Variants in PLXND1 observed in about 807,000 individuals in gnomAD.
The protein encoded by PLXND1 is plexin-D1.
PLXND1 carries 54 observed loss-of-function variants against 197.7 expected under a neutral mutation model. That is an observed-to-expected ratio of 0.27 (90% CI 0.22 to 0.34). PLXND1 has a LOEUF of 0.34. PLXND1 is among the 10% of genes least tolerant of loss of function. The pLI, the probability that PLXND1 is intolerant of heterozygous loss-of-function variation, is 1.00. For missense variants in PLXND1, 2,127 were observed against 2,699.2 expected (o/e 0.79, Z 4.70); for synonymous variants, 1,180 against 1,161.2 (o/e 1.02, Z -0.33).
intron 2 of PLXND1, among the ~76,000 whole-genome samples, chr3:129,588,272 G>C (rs1304553769): frequency 6.6e-6 from 1 of 152,160 alleles, no homozygotes; most frequent in Non-Finnish European, 1.5e-5. Context: ...TGCCTCCCTT[G>C]CAGGGGTGTG....
At position 129,575,586 on chromosome 3, in the gene PLXND1, T is replaced by C. The variant is rs374590713; in HGVS notation, c.2437-24A>G. On this transcript the variant is annotated intron_variant, in intron 10 of 35. Coordinates refer to ENST00000324093, the MANE Select transcript of PLXND1 (RefSeq NM_015103.3). ...AGCTGCAAAAGGGCAGAAAAGAGCA[T>C]AGGGGGCATGGGCAATGCCTGGGGC... 4.2e-4 allele frequency: 639 copies of C among 1,519,690 alleles called. 12 individuals are homozygous for C. In the South Asian group the frequency reaches 6.8e-3, roughly 16 times the overall value. The allele number at this position is 1,519,690 out of a possible 1,614,324, so 94.1% of individuals were successfully genotyped here.
At chr3:129,573,092 T>C in intron 13 of PLXND1, 151 bp from the exon 14 acceptor site, 1 of 623,022 alleles carries the variant, frequency 1.6e-6, no homozygotes, top group Non-Finnish European at 2.9e-6. Context: ...GTTCTGCAAC[T>C]ATAAGACACG....
At chr3:129,559,262 A>T in intron 32 of PLXND1, 1 of 201,606 alleles carries the variant, frequency 5.0e-6, no homozygotes, top group Non-Finnish European at 9.9e-6. Context: ...CTACTGTCCC[A>T]GGCTGTGTGG....
chr3:129,572,987 G>C, intron 13 of PLXND1, 46 bp from the exon 14 acceptor site: 1 of 1,401,520 alleles, frequency 7.1e-7, no homozygotes, highest in Non-Finnish European at 1.0e-6. Flanking sequence ...GGCCCCCACG[G>C]CCACCCTAGA....
rs1463885620 is a variant in PLXND1, at chr3:129,556,406, T to C, written c.5684A>G (p.Asn1895Ser). 3 of 1,614,072 alleles carry C rather than the reference T, an allele frequency of 1.9e-6. No homozygotes were observed. Among genetic ancestry groups the C allele is most frequent in the African/African-American group, 1.3e-5 (1 of 75,050 alleles). ...CAGTTGTGTCCTCCGGGCCGTGGGGTTGGCCTCCAGCGCGGCCATGATCTG... is the reference window on the plus strand; with the variant it reads ...CAGTTGTGTCCTCCGGGCCGTGGGGCTGGCCTCCAGCGCGGCCATGATCTG... ...RPQIMAALEA[N>S]PTARRTQLQH... Residue 1895 changes from asparagine (N) to serine (S), a missense_variant, in exon 36 of 36, where the codon AAC becomes AGC. Asn to Ser is a conservative substitution (Grantham distance 46). Coordinates refer to ENST00000324093, the MANE Select transcript of PLXND1 (RefSeq NM_015103.3).
At chr3:129,559,961 TA>T (rs1435426122) in intron 31 of PLXND1, among the ~76,000 whole-genome samples, 178 bp from the exon 32 acceptor site, 140 of 152,288 alleles carry the variant, frequency 9.2e-4, no homozygotes, top group Non-Finnish European at 5.9e-4. Context: ...TTGAAAGGAC[TA>T]ATCGAGGCAC....
chr3:129,598,121 C>A (rs1189161784), intron 1 of PLXND1, among the ~76,000 whole-genome samples: 2 of 152,214 alleles, frequency 1.3e-5, no homozygotes, highest in Non-Finnish European at 2.9e-5. Flanking sequence ...CTTTAGCCTG[C>A]AGGCAAGGCC....
intron 2 of PLXND1, among the ~76,000 whole-genome samples, chr3:129,586,948 T>A (rs1271886066): frequency 6.6e-6 from 1 of 152,190 alleles, no homozygotes; most frequent in Non-Finnish European, 1.5e-5. Context: ...CTCCAAGGCA[T>A]CCCGCCCTGT....
rs375475115 is a variant in PLXND1, at chr3:129,573,655, C to T, written c.2776G>A (p.Gly926Ser). 90 of 1,613,618 alleles carry T rather than the reference C, an allele frequency of 5.6e-5. 1 individual carries two copies. The highest frequency in any genetic ancestry group is 3.4e-4 in the South Asian group (31 of 91,076). Reference protein sequence around the residue: ...LGRRLSDVAHGVWIGGVACEP... With the variant: ...LGRRLSDVAHSVWIGGVACEP... ...CAGGCCACACCACCAATCCACACGC[C>T]GTGGGCCACGTCACTGAGCCGCCGG... is the stretch of plus-strand genomic sequence containing the variant. The change falls in exon 13 of 36, where the codon GGC (glycine) becomes AGC (serine). Residue 926 changes from glycine (G) to serine (S), a missense_variant. Gly to Ser is a moderately conservative substitution (Grantham distance 56). Transcript: ENST00000324093.
rs750310939 is a variant in PLXND1 at position 129,589,419 on chromosome 3, C to T, written c.1420G>A (p.Val474Met). The change falls in exon 2 of 36, where the codon GTG (valine) becomes ATG (methionine). Residue 474 changes from valine to methionine, a missense_variant. Val to Met is a conservative substitution (Grantham distance 21). This residue lies in a region of PLXND1 where 1,095 missense variants were observed against 1,259.8 expected (regional missense o/e 0.87). Transcript: ENST00000324093. ...PVFRAPGLTS[V>M]AVASVNNYTA... Reference sequence around the variant, plus strand: ...TAGTTGTTGACGCTGGCCACGGCCACGGAGGTGAGGCCCGGGGCGCGGAAC... The same window carrying T: ...TAGTTGTTGACGCTGGCCACGGCCATGGAGGTGAGGCCCGGGGCGCGGAAC... 9.3e-6 allele frequency: 15 copies of T among 1,611,696 alleles called. No homozygotes were observed. In the East Asian group the frequency reaches 1.1e-4, roughly 12 times the overall value.
chr3:129,578,417 G>A lies in PLXND1; in HGVS notation c.2258C>T (p.Pro753Leu), dbSNP rs1459599041. 1.3e-6 allele frequency: 2 copies of A among 1,596,648 alleles called. No homozygotes were observed. Among genetic ancestry groups the A allele is most frequent in the South Asian group, 1.1e-5 (1 of 87,702 alleles). The change falls in exon 9 of 36, where the codon CCC becomes CTC. Residue 753 changes from proline to leucine, a missense_variant. Coordinates refer to ENST00000324093, the MANE Select transcript of PLXND1 (RefSeq NM_015103.3). ...SPNPTSPQDC[P>L]RTLLSPLAPV... ...TGCCAGGGGTGAGAGCAGGGTCCGG[G>A]GGCAGTCCTGAGGGCTCTGCAGAGG...
chr3:129,567,353 C>A, intron 22 of PLXND1, 139 bp downstream of exon 22: 1 of 628,410 alleles, frequency 1.6e-6, no homozygotes, highest in Non-Finnish European at 2.9e-6. Context: ...CAGGCCAGGG[C>A]AAGTGGCCAG....
At chr3:129,601,976 A>C (rs2085714900) in intron 1 of PLXND1, among the ~76,000 whole-genome samples, 1 of 152,184 alleles carries the variant, frequency 6.6e-6, no homozygotes, top group South Asian at 2.1e-4. Context: ...GAAGGAATCT[A>C]TTCCCGGGAG....
rs1174889837 is a variant in PLXND1, at chr3:129,577,758, T to C, written c.2346+571A>G. Among the ~76,000 whole-genome samples, 2 of 152,156 alleles carry C rather than the reference T, an allele frequency of 1.3e-5. No homozygotes were observed. The highest frequency in any genetic ancestry group is 2.9e-5 in the Non-Finnish European group (2 of 68,002). ...GCCCAGATGGTGGGGGCGGGGCTAGTTGCAAAGACGAGCACTGGTTGGGGA... is the reference window on the plus strand; with the variant it reads ...GCCCAGATGGTGGGGGCGGGGCTAGCTGCAAAGACGAGCACTGGTTGGGGA... On this transcript the variant is annotated intron_variant, in intron 9 of 35. Transcript: ENST00000324093. The surrounding 1 kb of genome is among the most constrained non-coding windows in gnomAD (Gnocchi z 5.0).
chr3:129,586,545 C>A, intron 3 of PLXND1, 43 bp downstream of exon 3: 1 of 1,553,988 alleles, frequency 6.4e-7, no homozygotes. Flanking sequence ...CAAGAGGGCT[C>A]GGCTGGTGCT....
intron 1 of PLXND1, among the ~76,000 whole-genome samples, chr3:129,599,016 G>A (rs746456402): frequency 6.6e-6 from 1 of 152,184 alleles, no homozygotes; most frequent in Non-Finnish European, 1.5e-5. Flanking sequence ...GGCAGTTCTG[G>A]TGTCAGAGGG....
intron 5 of PLXND1, among the ~76,000 whole-genome samples, chr3:129,585,397 C>T (rs746305949): frequency 3.3e-5 from 5 of 152,220 alleles, no homozygotes; most frequent in Admixed American, 6.5e-5. Context: ...AATCCCCCAC[C>T]GCCAAGGCTG....
rs145949325 is a variant in PLXND1 at position 129,567,797 on chromosome 3, C to T, written c.3874G>A (p.Val1292Ile). ...LLLLSVVALF[V>I]FCTKSRRAER... ...GCACGTCGGCTCTTGGTACAGAAGA[C>T]GAACAGGGCTGCGGGCAGTGGAGAG... The change falls in exon 21 of 36, where the codon GTC (valine) becomes ATC (isoleucine). Residue 1292 changes from valine to isoleucine, a missense_variant. Coordinates refer to ENST00000324093, the MANE Select transcript of PLXND1 (RefSeq NM_015103.3). The T allele has an allele frequency of 1.2e-5, 19 of 1,606,014 alleles. No individual in the cohort carries two copies. The African/African-American group carries it at 1.6e-4, about 14-fold the overall frequency.
Position 129,594,754 on chromosome 3 carries a change from C to T in PLXND1, c.1312-5227G>A, listed in dbSNP as rs146266540. ...AGTTTTGACAAATGTACCACGGTAA[C>T]GGTAAGATGTTAGCAATGGGAGAAA... On this transcript the variant is annotated intron_variant, in intron 1 of 35. Transcript: ENST00000324093. Among the ~76,000 whole-genome samples the T allele has an allele frequency of 9.9e-5, 15 of 152,098 alleles. No individual in the cohort carries two copies. The East Asian group carries it at 2.1e-3, about 22-fold the overall frequency.
Sources: allele counts gnomAD v4.1 joint callset (sites outside exome capture counted in the v4.1 genomes callset), GRCh38; gene constraint gnomAD v4.1.1; regional missense constraint gnomAD v4.1.1; non-coding constraint Gnocchi (gnomAD v3.1); transcripts MANE v1.5; gene names NCBI Gene and HGNC (gene_info 2026-07-23, HGNC 2026-07-21).